GALNTL6: variants seen among roughly 807,000 people sequenced by gnomAD.
The protein encoded by GALNTL6 is polypeptide N-acetylgalactosaminyltransferase like 6.
Under a neutral mutation model 73.7 loss-of-function variants are expected in GALNTL6, and 46 were observed. The ratio of observed to expected loss-of-function variants is 0.62; its 90% CI spans 0.49 to 0.80. The LOEUF (loss-of-function observed/expected upper bound fraction) is 0.80, where lower values mean the gene tolerates loss of function less well. GALNTL6 is among the 30% of genes least tolerant of loss of function. The pLI, the probability that GALNTL6 is intolerant of heterozygous loss-of-function variation, is 0.00. For missense variants in GALNTL6, 604 were observed against 755.0 expected, an observed-to-expected ratio of 0.80 and a Z score of 2.34; for synonymous variants, 259 against 263.7, an observed-to-expected ratio of 0.98 and a Z score of 0.17.
At chr4:172,556,633 T>A (rs760038144) in intron 5 of GALNTL6, among the ~76,000 whole-genome samples, 1 of 151,744 alleles carries the variant, frequency 6.6e-6, no homozygotes, top group East Asian at 1.9e-4. Context: ...AATGAGAAGA[T>A]CACATGAAGT....
At position 171,815,083 on chromosome 4, in the gene GALNTL6, C is replaced by A. The variant is rs1734489800; in HGVS notation, c.138+365C>A. The stretch of plus-strand genomic sequence containing the variant: ...ATGACAAGGATAGGTTTTTGCTTTC[C>A]ATTTGGCATGCATGTCTATGTTCAG... On this transcript the variant is annotated intron_variant, in intron 2 of 12. Coordinates refer to ENST00000506823, the MANE Select transcript of GALNTL6 (RefSeq NM_001034845.3). 3 of 347,692 alleles carry A rather than the reference C, an allele frequency of 8.6e-6. No homozygotes were observed. The Admixed American group carries it at 1.4e-4, about 16-fold the overall frequency. 21.5% of individuals were successfully genotyped at this position (347,692 alleles called of 1,614,324 possible).
chr4:172,177,791 A>ATATATATACAGACACATATATGTGTGTG (rs1735074844), intron 2 of GALNTL6, among the ~76,000 whole-genome samples: 1 of 101,790 alleles, frequency 9.8e-6, no homozygotes, highest in Non-Finnish European at 2.1e-5. Context: ...ACACATGTGT[A>ATATATATACAGACACATATATGTGTGTG]TATATATACA....
At chr4:172,517,180 G>A (rs1181147004) in intron 5 of GALNTL6, among the ~76,000 whole-genome samples, 7 of 152,096 alleles carry the variant, frequency 4.6e-5, no homozygotes, top group Admixed American at 3.9e-4. Flanking sequence ...TTTAAGTTAT[G>A]TGTATTTTAA....
chr4:172,922,839 A>T (rs1039678760), intron 8 of GALNTL6, among the ~76,000 whole-genome samples: 1 of 152,238 alleles, frequency 6.6e-6, no homozygotes, highest in Admixed American at 6.5e-5. Flanking sequence ...GGCAGATGCT[A>T]AGCAAATCAT....
intron 5 of GALNTL6, among the ~76,000 whole-genome samples, chr4:172,692,200 T>C (rs1014713711): frequency 4.6e-5 from 7 of 152,096 alleles, no homozygotes; most frequent in African/African-American, 1.4e-4. Flanking sequence ...TAACTCATAT[T>C]CTATAATTTG....
At chr4:173,031,474 G>A (rs749071883) in intron 12 of GALNTL6, among the ~76,000 whole-genome samples, 61 of 151,942 alleles carry the variant, frequency 4.0e-4, no homozygotes, top group African/African-American at 1.4e-3. Context: ...GCTTTCTTTC[G>A]TGCACTCTTT....
At chr4:172,192,766 A>G (rs1735625753) in intron 2 of GALNTL6, among the ~76,000 whole-genome samples, 2 of 152,128 alleles carry the variant, frequency 1.3e-5, no homozygotes, top group Admixed American at 6.5e-5. Flanking sequence ...TCAGGTTGCA[A>G]CCAGCGGCAG....
intron 2 of GALNTL6, chr4:171,816,141 A>G (rs572258090): frequency 6.6e-6 from 1 of 152,248 alleles, no homozygotes; most frequent in Non-Finnish European, 1.5e-5. Context: ...TTAGTAGTCA[A>G]TATGCTATTA....
At position 172,882,966 on chromosome 4, in the gene GALNTL6, T is replaced by C. The variant is rs1239055704; in HGVS notation, c.1041+59T>C. The C allele has an allele frequency of 4.5e-5, 40 of 891,626 alleles. No homozygotes were observed. In the East Asian group the frequency reaches 5.9e-4, roughly 13 times the overall value. The allele number at this position is 891,626 out of a possible 1,614,324, so 55.2% of individuals were successfully genotyped here. The stretch of plus-strand genomic sequence containing the variant: ...TATAATTTTGACAATTCTGATAGAA[T>C]ATCAGCATGTTGCTCTGTGACCTGT... On this transcript the variant is annotated intron_variant, in intron 8 of 12. Coordinates refer to ENST00000506823, the MANE Select transcript of GALNTL6 (RefSeq NM_001034845.3).
intron 2 of GALNTL6, among the ~76,000 whole-genome samples, chr4:172,200,413 G>A (rs1388793766): frequency 1.3e-5 from 2 of 152,054 alleles, no homozygotes; most frequent in African/African-American, 2.4e-5. Context: ...AATCACGAAC[G>A]GTGCTTTTCT....
chr4:171,902,958 T>C (rs1190980733), intron 2 of GALNTL6, among the ~76,000 whole-genome samples: 1 of 152,158 alleles, frequency 6.6e-6, no homozygotes, highest in Non-Finnish European at 1.5e-5. Context: ...GAGAAACTAT[T>C]TAGGAAGATA....
At chr4:172,933,287 T>C (rs1211082223) in intron 9 of GALNTL6, among the ~76,000 whole-genome samples, 6 of 152,116 alleles carry the variant, frequency 3.9e-5, no homozygotes, top group Non-Finnish European at 7.3e-5. Context: ...ACAATGGGTG[T>C]GTATGCTTGC....
intron 3 of GALNTL6, among the ~76,000 whole-genome samples, chr4:172,251,851 C>T (rs1352593872): frequency 6.6e-6 from 1 of 152,086 alleles, no homozygotes; most frequent in Non-Finnish European, 1.5e-5. Flanking sequence ...ACACCCCTAA[C>T]AGAGACCCTA....
At chr4:172,916,045 A>AC (rs1355785333) in intron 8 of GALNTL6, among the ~76,000 whole-genome samples, 1 of 152,190 alleles carries the variant, frequency 6.6e-6, no homozygotes, top group African/African-American at 2.4e-5. Flanking sequence ...AAGCTTATCC[A>AC]CCACAATCAA....
At chr4:172,880,470 T>C (rs1332404095) in intron 7 of GALNTL6, among the ~76,000 whole-genome samples, 2 of 152,176 alleles carry the variant, frequency 1.3e-5, no homozygotes, top group African/African-American at 2.4e-5. Flanking sequence ...TAATCTACAG[T>C]GACAGAAAGC....
rs1738047428 is a variant in GALNTL6, at chr4:172,255,622, G to C, written c.247+25858G>C. 2.6e-5 allele frequency among the ~76,000 whole-genome samples: 4 copies of C among 151,346 alleles called. No individual in the cohort carries two copies. In the South Asian group the frequency reaches 8.3e-4, roughly 31 times the overall value. On this transcript the variant is annotated intron_variant, in intron 3 of 12. Transcript: ENST00000506823. The stretch of plus-strand genomic sequence containing the variant: ...CTACTCTCAATAAATGTGTGCATAT[G>C]TATATTCATATACATAGATATATAC...
intron 5 of GALNTL6, among the ~76,000 whole-genome samples, chr4:172,798,652 A>T (rs538729897): frequency 6.6e-6 from 1 of 152,334 alleles, no homozygotes; most frequent in South Asian, 2.1e-4. Context: ...ATTAAGTCAA[A>T]TCATCTCCCA....
chr4:172,989,679 T>G (rs1280560632), intron 10 of GALNTL6, among the ~76,000 whole-genome samples: 1 of 152,190 alleles, frequency 6.6e-6, no homozygotes. Flanking sequence ...CTGCCTTCTT[T>G]GTCCATGTGA....
At chr4:172,830,294 G>T (rs555103125) in intron 7 of GALNTL6, among the ~76,000 whole-genome samples, 1 of 152,142 alleles carries the variant, frequency 6.6e-6, no homozygotes, top group African/African-American at 2.4e-5. Context: ...ATGACCAATA[G>T]AGCAAATCTT....
Sources: allele counts gnomAD v4.1 joint callset (sites outside exome capture counted in the v4.1 genomes callset), GRCh38; gene constraint gnomAD v4.1.1; transcripts MANE v1.5; gene names NCBI Gene and HGNC (gene_info 2026-07-23, HGNC 2026-07-21).